KMT2C: variants seen among roughly 807,000 people sequenced by gnomAD.
The protein encoded by KMT2C is lysine methyltransferase 2C, also known as histone-lysine N-methyltransferase 2C.
A neutral mutation model predicts 507.9 loss-of-function variants in KMT2C; 88 were observed. The ratio of observed to expected loss-of-function variants is 0.17; its 90% CI spans 0.15 to 0.21. The LOEUF (loss-of-function observed/expected upper bound fraction) is 0.21, where lower values mean the gene tolerates loss of function less well. Among genes scored for constraint, KMT2C ranks in the 10% least tolerant of loss-of-function variants. The pLI is 1.00. For missense variants in KMT2C, 4,954 were observed against 5,957.8 expected, an observed-to-expected ratio of 0.83 and a Z score of 5.55; for synonymous variants, 2,049 against 2,080.8, an observed-to-expected ratio of 0.98 and a Z score of 0.42.
rs188316545 is a variant in KMT2C, at chr7:152,380,466, G to A, written c.162-21791C>T. 2.7e-3 allele frequency among the ~76,000 whole-genome samples: 416 copies of A among 152,196 alleles called. 1 individual carries two copies. Among genetic ancestry groups the A allele is most frequent in the Non-Finnish European group, 4.2e-3 (283 of 68,014 alleles). The stretch of plus-strand genomic sequence containing the variant: ...GACTATAGTCACAGCTACTCGAGAG[G>A]CGGAGACAGGAGAGTCGCTTGAACC... On this transcript the variant is annotated intron_variant, in intron 1 of 58. Coordinates refer to ENST00000262189, the MANE Select transcript of KMT2C (RefSeq NM_170606.3).
intron 31 of KMT2C, among the ~76,000 whole-genome samples, chr7:152,190,986 T>C (rs2093774572): frequency 6.6e-6 from 1 of 152,196 alleles, no homozygotes; most frequent in African/African-American, 2.4e-5. Context: ...CTTTTTTTAC[T>C]TTCACCTAAC....
rs1453129573 is a variant in KMT2C at position 152,425,975 on chromosome 7, ATCTAC to A, written c.161+9646_161+9650del. ...GCCAGTAGAGTTATAATATGTAAAAATCTACTCTAACAACATTTAAAAGTTTGAGC... is the reference window on the plus strand; with the variant it reads ...GCCAGTAGAGTTATAATATGTAAAAATCTAACAACATTTAAAAGTTTGAGC... On this transcript the variant is annotated intron_variant, in intron 1 of 58. Coordinates refer to ENST00000262189, the MANE Select transcript of KMT2C (RefSeq NM_170606.3). Among the ~76,000 whole-genome samples, 8 of 152,260 alleles carry A rather than the reference ATCTAC, an allele frequency of 5.3e-5. No homozygotes were observed. In the East Asian group the frequency reaches 1.5e-3, roughly 29 times the overall value.
Position 152,190,381 on chromosome 7 carries a change from C to T in KMT2C, c.4661-2534G>A, listed in dbSNP as rs117296448. 5.9e-3 allele frequency among the ~76,000 whole-genome samples: 892 copies of T among 152,176 alleles called. 8 individuals are homozygous for T. The highest frequency in any genetic ancestry group is 0.01 in the Middle Eastern group (3 of 294). On this transcript the variant is annotated intron_variant, in intron 31 of 58. Transcript: ENST00000262189. ...ACAATATTAACATATTGAAACTTTT[C>T]CCAATAGTAATATTAGCTATTATTT... is the stretch of plus-strand genomic sequence containing the variant.
chr7:152,256,124 T>A (rs1241633979), intron 9 of KMT2C, among the ~76,000 whole-genome samples: 1 of 152,020 alleles, frequency 6.6e-6, no homozygotes, highest in African/African-American at 2.4e-5. Context: ...GACCCAAGAT[T>A]GAGCCACTGC....
intron 3 of KMT2C, among the ~76,000 whole-genome samples, chr7:152,316,784 G>A (rs187470699): frequency 6.7e-6 from 1 of 150,352 alleles, no homozygotes; most frequent in Admixed American, 6.6e-5. Flanking sequence ...AAACTATGTT[G>A]TCTGCTGGTA....
At chr7:152,388,203 AT>A (rs2097450673) in intron 1 of KMT2C, among the ~76,000 whole-genome samples, 1 of 152,288 alleles carries the variant, frequency 6.6e-6, no homozygotes, top group Non-Finnish European at 1.5e-5. Flanking sequence ...ATGGGTATAC[AT>A]TTATACATCT....
chr7:152,422,341 G>A (rs1231425040), intron 1 of KMT2C, among the ~76,000 whole-genome samples: 2 of 151,038 alleles, frequency 1.3e-5, no homozygotes, highest in Admixed American at 1.3e-4. Flanking sequence ...TGTAATCACA[G>A]CTACTAGGGA....
chr7:152,163,506 C>G lies in KMT2C; in HGVS notation c.10071G>C (p.Gln3357His), dbSNP rs1370627282. 6.2e-7 allele frequency: 1 copy of G among 1,613,588 alleles called. No individual in the cohort carries two copies. Among genetic ancestry groups the G allele is most frequent in the East Asian group, 2.2e-5 (1 of 44,886 alleles). ...NPPRIQPPIAQLPIKTCTPAP... is the reference protein window; with the variant it reads ...NPPRIQPPIAHLPIKTCTPAP... Reference sequence around the variant, plus strand: ...CTGGTGTACAAGTTTTTATTGGTAACTGGGCAATTGGGGGCTGAATTCTAG... The same window carrying G: ...CTGGTGTACAAGTTTTTATTGGTAAGTGGGCAATTGGGGGCTGAATTCTAG... The change falls in exon 43 of 59, where the codon CAG becomes CAC. Residue 3357 changes from glutamine to histidine, a missense_variant. Physicochemically the swap from Gln to His is conservative, Grantham distance 24. Coordinates refer to ENST00000262189, the MANE Select transcript of KMT2C (RefSeq NM_170606.3).
rs1485265672 is a variant in KMT2C, at chr7:152,177,147, T to C, written c.8306A>G (p.Lys2769Arg). The C allele has an allele frequency of 1.2e-6, 2 of 1,613,820 alleles. No homozygotes were observed. Among genetic ancestry groups the C allele is most frequent in the Non-Finnish European group, 1.7e-6 (2 of 1,179,978 alleles). The change falls in exon 38 of 59, where the codon AAG (lysine) becomes AGG (arginine). Residue 2769 changes from lysine to arginine, a missense_variant. Lys to Arg is a conservative substitution (Grantham distance 26). Transcript: ENST00000262189. ...YTDPELDMGD[K>R]KSMFNEELDL... is the part of the protein sequence containing the mutation. Reference sequence around the variant, plus strand: ...TAGTTCCTCATTAAACATGCTTTTCTTATCTCCCATGTCAAGTTCTGGATC... The same window carrying C: ...TAGTTCCTCATTAAACATGCTTTTCCTATCTCCCATGTCAAGTTCTGGATC...
intron 1 of KMT2C, among the ~76,000 whole-genome samples, chr7:152,361,303 G>A (rs1443451183): frequency 6.6e-6 from 1 of 152,224 alleles, no homozygotes; most frequent in Non-Finnish European, 1.5e-5. Context: ...GCTCACGCCT[G>A]TAATCCCAGC....
chr7:152,142,995 C>A (rs764611287), intron 55 of KMT2C, among the ~76,000 whole-genome samples: 4 of 152,110 alleles, frequency 2.6e-5, no homozygotes, highest in Non-Finnish European at 1.5e-5. Flanking sequence ...GAAACCAGAG[C>A]TCTCAAAAAT....
intron 18 of KMT2C, among the ~76,000 whole-genome samples, chr7:152,226,063 A>G (rs1563478583): frequency 6.6e-6 from 1 of 152,100 alleles, no homozygotes; most frequent in Non-Finnish European, 1.5e-5. Context: ...TTCATAGCAG[A>G]AAGTCAACAA....
At chr7:152,352,100 C>A (rs1034007056) in intron 2 of KMT2C, among the ~76,000 whole-genome samples, 2 of 152,164 alleles carry the variant, frequency 1.3e-5, no homozygotes, top group Non-Finnish European at 2.9e-5. Context: ...CAAGGAACAT[C>A]CCTAAGAAAG....
At position 152,207,577 on chromosome 7, in the gene KMT2C, A is replaced by T. The variant is rs190049849; in HGVS notation, c.3713-149T>A. The T allele has an allele frequency of 7.3e-6, 5 of 681,244 alleles. No homozygotes were observed. In the African/African-American group the frequency reaches 7.4e-5, roughly 10 times the overall value. 42.2% of individuals were successfully genotyped at this position (681,244 alleles called of 1,614,324 possible). On this transcript the variant is annotated intron_variant, in intron 23 of 58. Coordinates refer to ENST00000262189, the MANE Select transcript of KMT2C (RefSeq NM_170606.3). The stretch of plus-strand genomic sequence containing the variant: ...GGAAAGTATGAAAGGAGATAGAAGA[A>T]GCCCCAAATGGTTGTAGAAATTGTG...
chr7:152,306,461 T>C (rs897582850), intron 6 of KMT2C, among the ~76,000 whole-genome samples: 4 of 152,240 alleles, frequency 2.6e-5, no homozygotes, highest in Non-Finnish European at 5.9e-5. Context: ...TTTATCTGCA[T>C]GGTACTCCAT....
chr7:152,255,960 G>C (rs2129168944), intron 9 of KMT2C, among the ~76,000 whole-genome samples: 1 of 152,320 alleles, frequency 6.6e-6, no homozygotes, highest in Admixed American at 6.5e-5. Context: ...ATTGAGGCCA[G>C]GAGTTCAACA....
chr7:152,305,332 C>T (rs2096606372), intron 6 of KMT2C, among the ~76,000 whole-genome samples: 2 of 152,196 alleles, frequency 1.3e-5, no homozygotes, highest in Non-Finnish European at 1.5e-5. Flanking sequence ...AAAGGCCTCA[C>T]TGTAAAGTCA....
At chr7:152,143,804 A>G (rs1424169233) in intron 55 of KMT2C, among the ~76,000 whole-genome samples, 1 of 152,224 alleles carries the variant, frequency 6.6e-6, no homozygotes, top group African/African-American at 2.4e-5. Context: ...AAAGGGTTCC[A>G]ACAAAGGAAC....
Position 152,154,541 on chromosome 7 carries a change from G to T in KMT2C, c.11961-96C>A, listed in dbSNP as rs947282548. Reference sequence around the variant, plus strand: ...TGACATCTGTGAATACAGCTGTAAGGATACTCTGGGCAGCACCTATACGAT... The same window carrying T: ...TGACATCTGTGAATACAGCTGTAAGTATACTCTGGGCAGCACCTATACGAT... On this transcript the variant is annotated intron_variant, in intron 46 of 58. Coordinates refer to ENST00000262189, the MANE Select transcript of KMT2C (RefSeq NM_170606.3). 3 of 1,016,008 alleles carry T rather than the reference G, an allele frequency of 3.0e-6. No individual in the cohort carries two copies. In the African/African-American group the frequency reaches 4.7e-5, roughly 16 times the overall value. 62.9% of individuals were successfully genotyped at this position (1,016,008 alleles called of 1,614,324 possible). A position where few individuals can be genotyped will look rare whatever the true frequency, so the allele number is the denominator to read the frequency against.
Sources: allele counts gnomAD v4.1 joint callset (sites outside exome capture counted in the v4.1 genomes callset), GRCh38; gene constraint gnomAD v4.1.1; transcripts MANE v1.5; gene names NCBI Gene and HGNC (gene_info 2026-07-23, HGNC 2026-07-21).